Variants in EMILIN2 observed in about 807,000 individuals in gnomAD.
EMILIN2 encodes EMILIN-2.
A neutral mutation model predicts 87.1 loss-of-function variants in EMILIN2; 71 were observed. The ratio of observed to expected loss-of-function variants is 0.82; its 90% CI spans 0.67 to 0.99. The LOEUF (loss-of-function observed/expected upper bound fraction) is 0.99, where lower values mean the gene tolerates loss of function less well. Among genes scored for constraint, EMILIN2 ranks in the 50% least tolerant of loss-of-function variants. The pLI is 0.00. For synonymous variants in EMILIN2, 581 were observed against 563.4 expected, an observed-to-expected ratio of 1.03 and a Z score of -0.44; for missense variants, 1,407 against 1,371.8, an observed-to-expected ratio of 1.03 and a Z score of -0.40.
chr18:2,913,636 A>C lies in EMILIN2; in HGVS notation c.*232A>C. The C allele has an allele frequency of 4.5e-5, 22 of 486,402 alleles. No individual in the cohort carries two copies. Among genetic ancestry groups the C allele is most frequent in the South Asian group, 2.5e-4 (9 of 36,692 alleles). The allele number at this position is 486,402 out of a possible 1,614,324, so 30.1% of individuals were successfully genotyped here. A position where few individuals can be genotyped will look rare whatever the true frequency, so the allele number is the denominator to read the frequency against. On this transcript the variant is annotated 3_prime_UTR_variant, in exon 8 of 8. Coordinates refer to ENST00000254528, the MANE Select transcript of EMILIN2 (RefSeq NM_032048.3). ...GACTTTTCTGCCACTCTAACTGGAC[A>C]ACTGGAAGACTTGGAAAGGCCTCCA...
chr18:2,867,618 TTAACCCTG>T, intron 2 of EMILIN2, among the ~76,000 whole-genome samples: 1 of 152,208 alleles, frequency 6.6e-6, no homozygotes, highest in Non-Finnish European at 1.5e-5. Flanking sequence ...CTTAATCCAT[TTAACCCTG>T]AGTGGACACA....
chr18:2,870,804 G>A (rs2076715618), intron 2 of EMILIN2, among the ~76,000 whole-genome samples: 1 of 152,206 alleles, frequency 6.6e-6, no homozygotes, highest in Admixed American at 6.5e-5. Context: ...AGCAGGGTTG[G>A]TTCTCCTGAG....
intron 2 of EMILIN2, among the ~76,000 whole-genome samples, chr18:2,870,436 T>C (rs1373471464): frequency 6.6e-6 from 1 of 152,218 alleles, no homozygotes; most frequent in South Asian, 2.1e-4. Context: ...AAAGCCTACA[T>C]GTGGCCCAGA....
chr18:2,863,215 T>A (rs915090179), intron 2 of EMILIN2, among the ~76,000 whole-genome samples: 3 of 152,274 alleles, frequency 2.0e-5, no homozygotes, highest in Admixed American at 1.3e-4. Flanking sequence ...GTGTCTCTAT[T>A]TCCTTCAGTT....
At chr18:2,886,090 T>G (rs2076802143) in intron 3 of EMILIN2, among the ~76,000 whole-genome samples, 1 of 152,240 alleles carries the variant, frequency 6.6e-6, no homozygotes, top group African/African-American at 2.4e-5. Flanking sequence ...AGAACCTTAC[T>G]CTCTTTCCTA....
At chr18:2,861,046 G>A (rs62074989) in intron 2 of EMILIN2, among the ~76,000 whole-genome samples, 6 of 152,032 alleles carry the variant, frequency 3.9e-5, no homozygotes, top group African/African-American at 1.5e-4. Context: ...TTTTGAGAAG[G>A]GTCTGTTCAT....
At position 2,891,650 on chromosome 18, in the gene EMILIN2, T is replaced by A; in HGVS notation, c.1523T>A (p.Met508Lys). The A allele has an allele frequency of 6.2e-7, 1 of 1,614,118 alleles. No individual in the cohort carries two copies. The highest frequency in any genetic ancestry group is 1.7e-5 in the Admixed American group (1 of 60,016). Residue 508 changes from methionine (M) to lysine (K), a missense_variant, in exon 4 of 8, where the codon ATG becomes AAG. Coordinates refer to ENST00000254528, the MANE Select transcript of EMILIN2 (RefSeq NM_032048.3). This position sits in a 1 kb window ranked among gnomAD's most constrained non-coding sequence, Gnocchi z 4.6. ...EDRLGSVLLQ[M>K]TNNTGAELSP... ...CGTCTGGGGAGCGTTCTCCTACAGA[T>A]GACCAATAACACTGGTGCAGAGCTC...
chr18:2,897,554 C>G (rs1270799864), intron 4 of EMILIN2, among the ~76,000 whole-genome samples: 1 of 152,086 alleles, frequency 6.6e-6, no homozygotes. Context: ...AATTAGCGTT[C>G]AAATAGACAG....
At chr18:2,858,663 TCA>T in intron 2 of EMILIN2, among the ~76,000 whole-genome samples, 1 of 148,668 alleles carries the variant, frequency 6.7e-6, no homozygotes, top group South Asian at 2.2e-4. Flanking sequence ...CTTCTGATTC[TCA>T]CTCTGTTGCC....
chr18:2,906,741 T>C (rs952307259), intron 4 of EMILIN2, 42 bp from the exon 5 acceptor site: 22 of 1,240,992 alleles, frequency 1.8e-5, no homozygotes, highest in African/African-American at 4.7e-5. Context: ...AGGGCTGAGG[T>C]TTCCTAATCC....
At chr18:2,908,885 A>G in intron 5 of EMILIN2, 58 bp from the exon 6 acceptor site, 1 of 1,608,400 alleles carries the variant, frequency 6.2e-7, no homozygotes, top group South Asian at 1.1e-5. Flanking sequence ...GGGGGCTCAG[A>G]ACAAGGAGCT....
At chr18:2,884,103 A>C (rs111353152) in intron 2 of EMILIN2, among the ~76,000 whole-genome samples, 12,039 of 151,590 alleles carry the variant, frequency 0.079, 943 homozygotes, top group African/African-American at 0.2. Flanking sequence ...CTACAGGCGC[A>C]CGCCATCACG....
chr18:2,864,047 G>A (rs1250836392), intron 2 of EMILIN2, among the ~76,000 whole-genome samples: 2 of 152,076 alleles, frequency 1.3e-5, no homozygotes, highest in South Asian at 2.1e-4. Flanking sequence ...TGCATCCCCT[G>A]CCTTTTTTTG....
At chr18:2,907,224 T>C (rs941771783) in intron 5 of EMILIN2, 139 bp downstream of exon 5, 56 of 984,620 alleles carry the variant, frequency 5.7e-5, no homozygotes, top group Non-Finnish European at 7.3e-5. Flanking sequence ...TTTGGAAGGA[T>C]GCCGAGGCCC....
chr18:2,906,472 CTG>C (rs1387610972), intron 4 of EMILIN2: 2 of 188,664 alleles, frequency 1.1e-5, no homozygotes, highest in Non-Finnish European at 1.8e-5. Context: ...TTTCCGCGTG[CTG>C]TGAAATCGGG....
intron 3 of EMILIN2, among the ~76,000 whole-genome samples, chr18:2,886,432 C>A (rs554539496): frequency 6.6e-6 from 1 of 152,222 alleles, no homozygotes; most frequent in Admixed American, 6.5e-5. Context: ...AAACAATGAC[C>A]ACCCTGAAAC....
chr18:2,903,080 C>A (rs138397758), intron 4 of EMILIN2, among the ~76,000 whole-genome samples: 2 of 151,810 alleles, frequency 1.3e-5, no homozygotes, highest in South Asian at 2.1e-4. Flanking sequence ...GAGAGACATA[C>A]GCTTGGGCTA....
At position 2,848,203 on chromosome 18, in the gene EMILIN2, C is replaced by T. The variant is rs537529950; in HGVS notation, c.257+272C>T. On this transcript the variant is annotated intron_variant, in intron 2 of 7. Coordinates refer to ENST00000254528, the MANE Select transcript of EMILIN2 (RefSeq NM_032048.3). The surrounding 1 kb of genome is among the most constrained non-coding windows in gnomAD (Gnocchi z 4.1). Reference sequence around the variant, plus strand: ...TAGGAGAGGATGAACAAAGCTCCCACTCCCACTTCTGTTTTCTCCCTTTCA... The same window carrying T: ...TAGGAGAGGATGAACAAAGCTCCCATTCCCACTTCTGTTTTCTCCCTTTCA... Among the ~76,000 whole-genome samples, 34 of 152,348 alleles carry T rather than the reference C, an allele frequency of 2.2e-4. No individual in the cohort carries two copies. The highest frequency in any genetic ancestry group is 6.8e-3 in the Middle Eastern group (2 of 294).
chr18:2,852,682 C>A (rs1472445896), intron 2 of EMILIN2, among the ~76,000 whole-genome samples: 3 of 152,134 alleles, frequency 2.0e-5, no homozygotes, highest in African/African-American at 7.2e-5. Context: ...CCACGCCCAG[C>A]TAATTTTTGT....
Sources: gnomAD v4.1 joint callset for allele counts (sites outside exome capture counted in the v4.1 genomes callset) on GRCh38, gnomAD v4.1.1 for gene constraint, Gnocchi (gnomAD v3.1) non-coding constraint, MANE v1.5 for transcripts, NCBI Gene and HGNC (gene_info 2026-07-23, HGNC 2026-07-21) for gene names.